Variants in ZFHX3 observed in about 807,000 individuals in gnomAD.
The protein encoded by ZFHX3 is zinc finger homeobox 3, also known as zinc finger homeobox protein 3.
A neutral mutation model predicts 279.1 loss-of-function variants in ZFHX3; 42 were observed. That is an observed-to-expected ratio of 0.15 (90% confidence interval 0.12 to 0.19). The LOEUF is 0.19. Ranked by LOEUF, ZFHX3 falls within the 10% of genes least tolerant of loss-of-function variation. The pLI, the probability that ZFHX3 is intolerant of heterozygous loss-of-function variation, is 1.00. For synonymous variants in ZFHX3, 2,293 were observed against 1,957.8 expected (o/e 1.17, Z -4.52); for missense variants, 4,981 against 4,754.0 (o/e 1.05, Z -1.40).
At chr16:73,455,222 T>C (rs541620714) in intron 3 of ZFHX3, among the ~76,000 whole-genome samples, 27 of 152,254 alleles carry the variant, frequency 1.8e-4, no homozygotes, top group African/African-American at 6.5e-4. Flanking sequence ...ATTTAGTTCA[T>C]AAAAATAGCA....
intron 2 of ZFHX3, among the ~76,000 whole-genome samples, chr16:73,531,477 G>A (rs192455295): frequency 6.6e-6 from 1 of 152,122 alleles, no homozygotes; most frequent in Admixed American, 6.5e-5. Flanking sequence ...CACTTTAGGA[G>A]GATGAGGTGG....
At chr16:73,834,752 A>C (rs896953868) in intron 1 of ZFHX3, among the ~76,000 whole-genome samples, 7 of 152,194 alleles carry the variant, frequency 4.6e-5, no homozygotes, top group Admixed American at 1.3e-4. Flanking sequence ...TTAGCTGGGC[A>C]TGGTGGCGCA....
At chr16:73,110,021 A>G (rs570713862) in intron 7 of ZFHX3, among the ~76,000 whole-genome samples, 1 of 152,158 alleles carries the variant, frequency 6.6e-6, no homozygotes, top group Non-Finnish European at 1.5e-5. Flanking sequence ...CGGGCAGATC[A>G]TGAGGTCAGG....
intron 1 of ZFHX3, among the ~76,000 whole-genome samples, chr16:73,818,368 A>C (rs149961201): frequency 6.6e-6 from 1 of 152,332 alleles, no homozygotes; most frequent in African/African-American, 2.4e-5. Flanking sequence ...AGATTGGCTG[A>C]CATTAACTCA....
intron 1 of ZFHX3, among the ~76,000 whole-genome samples, chr16:73,845,272 G>T (rs147653180): frequency 6.6e-6 from 1 of 152,124 alleles, no homozygotes; most frequent in Non-Finnish European, 1.5e-5. Context: ...AGAGCCAGAC[G>T]TTTTTTCTCT....
chr16:73,182,448 C>T (rs948912107), intron 5 of ZFHX3, among the ~76,000 whole-genome samples: 9 of 152,160 alleles, frequency 5.9e-5, no homozygotes, highest in African/African-American at 1.9e-4. Context: ...CAGAGAGAGA[C>T]TCTGTCGCAA....
At chr16:73,839,234 C>T (rs776670813) in intron 1 of ZFHX3, among the ~76,000 whole-genome samples, 14 of 143,650 alleles carry the variant, frequency 9.7e-5, no homozygotes, top group African/African-American at 3.1e-4. Flanking sequence ...TGGTGGCGGG[C>T]GCCTGTATTC....
intron 2 of ZFHX3, among the ~76,000 whole-genome samples, chr16:73,545,479 G>C (rs1206434061): frequency 1.3e-5 from 2 of 152,108 alleles, no homozygotes; most frequent in Non-Finnish European, 2.9e-5. Context: ...CATCCCCTTA[G>C]CTGAAGGAGG....
chr16:73,606,968 A>T (rs566446193), intron 2 of ZFHX3, among the ~76,000 whole-genome samples: 2 of 150,750 alleles, frequency 1.3e-5, no homozygotes, highest in East Asian at 4.0e-4. Context: ...ACAGAGCAAG[A>T]CTCCATCTCA....
At chr16:72,961,015 T>C (rs1421257977) in intron 1 of ZFHX3, among the ~76,000 whole-genome samples, 1 of 152,138 alleles carries the variant, frequency 6.6e-6, no homozygotes, top group Non-Finnish European at 1.5e-5. Context: ...CCCTGGCCTG[T>C]GACTCTAGCT....
chr16:73,600,690 G>A (rs532450415), intron 2 of ZFHX3, among the ~76,000 whole-genome samples: 2 of 152,216 alleles, frequency 1.3e-5, no homozygotes, highest in African/African-American at 4.8e-5. Context: ...AAAGTGCTAG[G>A]ATTACAGGCG....
At chr16:73,666,778 C>T (rs2052846893) in intron 2 of ZFHX3, among the ~76,000 whole-genome samples, 1 of 151,818 alleles carries the variant, frequency 6.6e-6, no homozygotes, top group African/African-American at 2.4e-5. Context: ...ATCCATCTGC[C>T]CTGTCCTGCC....
At chr16:73,700,146 T>C (rs1286362222) in intron 1 of ZFHX3, among the ~76,000 whole-genome samples, 1 of 151,934 alleles carries the variant, frequency 6.6e-6, no homozygotes, top group Non-Finnish European at 1.5e-5. Context: ...TCACTTGAGC[T>C]GGGAAATCAA....
intron 7 of ZFHX3, among the ~76,000 whole-genome samples, chr16:73,110,360 T>A (rs575007840): frequency 3.3e-5 from 5 of 152,302 alleles, no homozygotes; most frequent in African/African-American, 1.2e-4. Flanking sequence ...GCCCTTTCCT[T>A]GGTCCTTGGA....
intron 7 of ZFHX3, among the ~76,000 whole-genome samples, chr16:73,111,619 AAGAG>A (rs1035049434): frequency 1.1e-4 from 15 of 139,162 alleles, no homozygotes; most frequent in Admixed American, 6.3e-4. Context: ...GACAGAAAGA[AAGAG>A]AGAGAGAAAG....
intron 8 of ZFHX3, among the ~76,000 whole-genome samples, chr16:72,799,419 A>G (rs1435176368): frequency 1.3e-5 from 2 of 152,202 alleles, no homozygotes; most frequent in Non-Finnish European, 2.9e-5. Context: ...CTCACAAGAA[A>G]GAGAGAAGGC....
chr16:73,018,393 G>T (rs1964182258), intron 1 of ZFHX3, among the ~76,000 whole-genome samples: 1 of 152,116 alleles, frequency 6.6e-6, no homozygotes, highest in African/African-American at 2.4e-5. Flanking sequence ...AGATCATGAG[G>T]TCAAGAGATC....
chr16:73,560,689 C>T (rs981827891), intron 2 of ZFHX3, among the ~76,000 whole-genome samples: 2 of 152,172 alleles, frequency 1.3e-5, no homozygotes, highest in African/African-American at 4.8e-5. Context: ...ATAAATAGCA[C>T]GTGGACTACA....
intron 3 of ZFHX3, among the ~76,000 whole-genome samples, chr16:73,409,316 C>G (rs1567475162): frequency 6.6e-6 from 1 of 152,144 alleles, no homozygotes; most frequent in Non-Finnish European, 1.5e-5. Context: ...TGGCCAAAGA[C>G]AAGAAAATAT....
Sources: gnomAD v4.1 joint callset for allele counts (sites outside exome capture counted in the v4.1 genomes callset) on GRCh38, gnomAD v4.1.1 for gene constraint, MANE v1.5 for transcripts, NCBI Gene and HGNC (gene_info 2026-07-23, HGNC 2026-07-21) for gene names.